Variants in MUC6 observed in about 807,000 individuals in gnomAD.
MUC6 encodes the protein mucin-6.
A neutral mutation model predicts 201.5 loss-of-function variants in MUC6; 188 were observed. That is an observed-to-expected ratio of 0.93 (90% CI 0.83 to 1.05). The LOEUF (loss-of-function observed/expected upper bound fraction) is 1.05. MUC6 is among the 50% of genes least tolerant of loss of function. The probability of loss-of-function intolerance (pLI) is 0.00; values close to 1 mark genes in which losing one functional copy is unlikely to be tolerated. For missense variants in MUC6, 2,706 were observed against 3,256.9 expected (o/e 0.83, Z 4.12); for synonymous variants, 1,228 against 1,389.4 (o/e 0.88, Z 2.58).
Position 1,025,897 on chromosome 11 carries a change from CGTT to C in MUC6, c.2704_2706del (p.Asn902del), listed in dbSNP as rs749741605. ...AGGATCTTGAAGGTGGGCTGTGAGT[CGTT>C]GACACCACAGACGTCCTGCAGGGAG... On this transcript the variant is annotated inframe_deletion, in exon 22 of 33. Coordinates refer to ENST00000421673, the MANE Select transcript of MUC6 (RefSeq NM_005961.3). 3 of 1,611,766 alleles carry C rather than the reference CGTT, an allele frequency of 1.9e-6. No individual in the cohort carries two copies. The highest frequency in any genetic ancestry group is 1.1e-5 in the South Asian group (1 of 90,704).
rs776831749 is a variant in MUC6, at chr11:1,027,186, T to TG, written c.2238dup (p.Ile747HisfsTer22). On this transcript the variant is annotated frameshift_variant, in exon 18 of 33. Transcript: ENST00000421673. LOFTEE classifies it high-confidence loss of function. ...TGCGGGCAACTCAGCCGCCCGTTGA[T>TG]GCAGTGGCTGCAAGAGAGAGGCTGC... 6.2e-7 allele frequency: 1 copy of TG among 1,612,410 alleles called. No individual in the cohort carries two copies. Among genetic ancestry groups the TG allele is most frequent in the Non-Finnish European group, 8.5e-7 (1 of 1,179,692 alleles).
At chr11:1,014,316 A>T (rs1006389642) in intron 31 of MUC6, among the ~76,000 whole-genome samples, 1 of 152,162 alleles carries the variant, frequency 6.6e-6, no homozygotes, top group Non-Finnish European at 1.5e-5. Flanking sequence ...TTCCCTGATG[A>T]CCAACCCCAG....
intron 4 of MUC6, 103 bp from the exon 5 acceptor site, chr11:1,031,362 C>T: frequency 8.1e-7 from 1 of 1,231,330 alleles, no homozygotes; most frequent in Non-Finnish European, 1.1e-6. Flanking sequence ...CCCACCATCC[C>T]CCCACCTGCT....
chr11:1,026,274 TG>T, intron 20 of MUC6, 52 bp downstream of exon 20: 1 of 1,548,538 alleles, frequency 6.5e-7, no homozygotes, highest in Non-Finnish European at 8.7e-7. Flanking sequence ...AGCCTCCGCC[TG>T]CCCCAGATGG....
At position 1,016,359 on chromosome 11, in the gene MUC6, A is replaced by C. The variant is rs371932824; in HGVS notation, c.6442T>G (p.Ser2148Ala). The C allele has an allele frequency of 2.8e-5, 45 of 1,611,736 alleles. No homozygotes were observed. The African/African-American group carries it at 5.3e-4, about 19-fold the overall frequency. Residue 2148 changes from serine (S) to alanine (A), a missense_variant, in exon 31 of 33, where the codon TCC becomes GCC. This residue lies in a region of MUC6 where 586 missense variants were observed against 488.0 expected (regional missense o/e 1.20). Coordinates refer to ENST00000421673, the MANE Select transcript of MUC6 (RefSeq NM_005961.3). ...PSTVSSYVPS[S>A]HSSPQTSSPS... Reference sequence around the variant, plus strand: ...GATGAAGTCTGGGGAGAGGAGTGGGAGGAGGGCACATAAGAAGAAACAGTA... The same window carrying C: ...GATGAAGTCTGGGGAGAGGAGTGGGCGGAGGGCACATAAGAAGAAACAGTA...
intron 26 of MUC6, 40 bp downstream of exon 26, chr11:1,023,469 T>TA: frequency 6.5e-7 from 1 of 1,547,208 alleles, no homozygotes; most frequent in Admixed American, 2.0e-5. Flanking sequence ...AGTGAATGGG[T>TA]CCCCCTGTGT....
intron 31 of MUC6, among the ~76,000 whole-genome samples, chr11:1,014,904 GGT>G (rs1476604036): frequency 6.6e-6 from 1 of 152,204 alleles, no homozygotes; most frequent in African/African-American, 2.4e-5. Context: ...TCACCTCCCT[GGT>G]TACACCTTGC....
intron 32 of MUC6, 64 bp from the exon 33 acceptor site, chr11:1,013,697 C>T (rs910730684): frequency 6.6e-7 from 1 of 1,506,264 alleles, no homozygotes; most frequent in African/African-American, 1.4e-5. Flanking sequence ...CCCTCCCTCC[C>T]CAGGGCAGCT....
At chr11:1,022,832 C>T (rs1015805450) in intron 26 of MUC6, among the ~76,000 whole-genome samples, 1 of 152,108 alleles carries the variant, frequency 6.6e-6, no homozygotes, top group African/African-American at 2.4e-5. Context: ...AATAAGCAAA[C>T]ATGAATGAAT....
At position 1,029,562 on chromosome 11, in the gene MUC6, A is replaced by C; in HGVS notation, c.1069T>G (p.Cys357Gly). 6.2e-7 allele frequency: 1 copy of C among 1,611,254 alleles called. No homozygotes were observed. Among genetic ancestry groups the C allele is most frequent in the Non-Finnish European group, 8.5e-7 (1 of 1,178,972 alleles). The change falls in exon 9 of 33, where the codon TGC (cysteine) becomes GGC (glycine). Residue 357 changes from cysteine (C) to glycine (G), a missense_variant. Coordinates refer to ENST00000421673, the MANE Select transcript of MUC6 (RefSeq NM_005961.3). ...ATGGCGCCGTGGAGCACACAGGGGCACTGGGTGACGGGCACGCAGGTGTGG... is the reference window on the plus strand; with the variant it reads ...ATGGCGCCGTGGAGCACACAGGGGCCCTGGGTGACGGGCACGCAGGTGTGG... ...NNHTCVPVTQ[C>G]PCVLHGAMYA...
Position 1,016,177 on chromosome 11 carries a change from A to C in MUC6, c.6624T>G (p.Ile2208Met). 6.2e-7 allele frequency: 1 copy of C among 1,613,316 alleles called. No individual in the cohort carries two copies. Among genetic ancestry groups the C allele is most frequent in the Non-Finnish European group, 8.5e-7 (1 of 1,179,738 alleles). The change falls in exon 31 of 33, where the codon ATT (isoleucine) becomes ATG (methionine). Residue 2208 changes from isoleucine (I) to methionine (M), a missense_variant. Physicochemically the swap from Ile to Met is conservative, Grantham distance 10 (BLOSUM62 1). Coordinates refer to ENST00000421673, the MANE Select transcript of MUC6 (RefSeq NM_005961.3). ...AGATAGTGTGGGGGAGAGTGGCCCT[A>C]ATGGTAGTAGAGGCAGCTGGAGAAG... Reference protein sequence around the residue: ...FPSSPAASTTIRATLPHTISS... With the variant: ...FPSSPAASTTMRATLPHTISS...
Position 1,018,514 on chromosome 11 carries a change from G to A in MUC6, c.4287C>T (p.Ala1429=), listed in dbSNP as rs1282776521. The A allele has an allele frequency of 6.2e-7, 1 of 1,613,858 alleles. No individual in the cohort carries two copies. The highest frequency in any genetic ancestry group is 8.5e-7 in the Non-Finnish European group (1 of 1,179,780). ...TGPVTATSFH[A]TTTYPTPSHP... Reference sequence around the variant, plus strand: ...GTGATGGGGTTGGATAGGTAGTGGTGGCATGGAAAGATGTTGCAGTGACAG... The same window carrying A: ...GTGATGGGGTTGGATAGGTAGTGGTAGCATGGAAAGATGTTGCAGTGACAG... Residue 1429 remains alanine (A), a synonymous_variant, in exon 31 of 33, where the codon GCC becomes GCT. Transcript: ENST00000421673.
chr11:1,027,231 C>T (rs1402430559), intron 17 of MUC6, 37 bp downstream of exon 17: 3 of 1,611,870 alleles, frequency 1.9e-6, no homozygotes, highest in African/African-American at 2.7e-5. Flanking sequence ...CGGGACCTGG[C>T]AGGGACCCCC....
intron 30 of MUC6, among the ~76,000 whole-genome samples, chr11:1,019,048 G>T (rs1856748940): frequency 6.6e-6 from 1 of 152,208 alleles, no homozygotes; most frequent in South Asian, 2.1e-4. Flanking sequence ...GTTCCCTGTG[G>T]CCGTGGTGGT....
At chr11:1,024,569 G>A (rs1856905159) in intron 24 of MUC6, among the ~76,000 whole-genome samples, 1 of 152,186 alleles carries the variant, frequency 6.6e-6, no homozygotes, top group African/African-American at 2.4e-5. Flanking sequence ...GGCCCACCAG[G>A]CGATGCTGCC....
chr11:1,025,082 T>A lies in MUC6; in HGVS notation c.2987A>T (p.Asp996Val), dbSNP rs1001729520. 1.9e-6 allele frequency: 3 copies of A among 1,612,918 alleles called. No individual in the cohort carries two copies. Among genetic ancestry groups the A allele is most frequent in the Non-Finnish European group, 2.5e-6 (3 of 1,179,838 alleles). The change falls in exon 24 of 33, where the codon GAT becomes GTT. Residue 996 changes from aspartate to valine, a missense_variant and splice_region_variant. By Grantham distance (152) the Asp-to-Val change is radical. Coordinates refer to ENST00000421673, the MANE Select transcript of MUC6 (RefSeq NM_005961.3). Reference protein sequence around the residue: ...ILIRIARASQDPLCGLCGNFN... With the variant: ...ILIRIARASQVPLCGLCGNFN... Reference sequence around the variant, plus strand: ...GTTGCCACACAAGCCGCAGAGGGGATCCTGCAGACGGTGGCATCAGGCCGG... The same window carrying A: ...GTTGCCACACAAGCCGCAGAGGGGAACCTGCAGACGGTGGCATCAGGCCGG...
In MUC6 at chr11:1,031,917, G is replaced by T; in HGVS notation, c.252C>A (p.Val84=). The T allele has an allele frequency of 6.2e-7, 1 of 1,613,400 alleles. No individual in the cohort carries two copies. Among genetic ancestry groups the T allele is most frequent in the Non-Finnish European group, 8.5e-7 (1 of 1,179,888 alleles). ...TCCCGTCTGGGCCTCGCCGCAGCTGGACACTGAAGGTGGGGAAGGCGTCCT... is the reference window on the plus strand; with the variant it reads ...TCCCGTCTGGGCCTCGCCGCAGCTGTACACTGAAGGTGGGGAAGGCGTCCT... ...TCKDAFPTFS[V]QLRRGPDGSI... Residue 84 remains valine (V), a synonymous_variant, in exon 3 of 33, where the codon GTC becomes GTA. Transcript: ENST00000421673.
chr11:1,021,388 T>A, intron 26 of MUC6, 111 bp from the exon 27 acceptor site: 1 of 562,328 alleles, frequency 1.8e-6, no homozygotes, highest in South Asian at 3.3e-5. Flanking sequence ...TTTTTTTTTT[T>A]GAGACAGAGT....
Position 1,013,380 on chromosome 11 carries a change from G to A in MUC6, c.*76C>T, listed in dbSNP as rs1856521691. On this transcript the variant is annotated 3_prime_UTR_variant, in exon 33 of 33. Coordinates refer to ENST00000421673, the MANE Select transcript of MUC6 (RefSeq NM_005961.3). ...CAGGAAAGCAGCTGCTGGCACAAGC[G>A]GGAAGGGGGCTGGTGGGTGTTTTCC... is the stretch of plus-strand genomic sequence containing the variant. The A allele has an allele frequency of 3.5e-6, 5 of 1,420,616 alleles. No homozygotes were observed. Among genetic ancestry groups the A allele is most frequent in the Non-Finnish European group, 4.7e-6 (5 of 1,055,738 alleles). The allele number at this position is 1,420,616 out of a possible 1,614,324, so 88.0% of individuals were successfully genotyped here.
Sources: allele counts gnomAD v4.1 joint callset (sites outside exome capture counted in the v4.1 genomes callset), GRCh38; gene constraint gnomAD v4.1.1; regional missense constraint gnomAD v4.1.1; transcripts MANE v1.5; gene names NCBI Gene and HGNC (gene_info 2026-07-23, HGNC 2026-07-21).